TEX36: variants seen among roughly 807,000 people sequenced by gnomAD.
TEX36 encodes the protein testis expressed 36, also known as testis-expressed protein 36.
TEX36 carries 12 observed loss-of-function variants against 13.6 expected under a neutral mutation model. That is an observed-to-expected ratio of 0.88 (90% confidence interval 0.56 to 1.43). TEX36 has a LOEUF of 1.43. TEX36 is among the 40% of genes most tolerant of loss of function. TEX36 has a pLI of 0.00. For synonymous variants in TEX36, 93 were observed against 83.0 expected (o/e 1.12, Z -0.65); for missense variants, 224 against 228.3 (o/e 0.98, Z 0.12).
At chr10:125,634,230 TAG>T (rs1203225871) in intron 3 of TEX36, among the ~76,000 whole-genome samples, 1 of 152,148 alleles carries the variant, frequency 6.6e-6, no homozygotes, top group East Asian at 1.9e-4. Flanking sequence ...ACTTAAAATA[TAG>T]AGAGTGTGAT....
rs114858132 is a variant in TEX36 at position 125,634,562 on chromosome 10, C to A, written c.265-12917G>T. On this transcript the variant is annotated intron_variant, in intron 3 of 3. Coordinates refer to the TEX36 transcript ENST00000526819. Reference sequence around the variant, plus strand: ...TAAATAACAAAAGGGAATCTATCTTCTCAGAAGAAAAACTGAAGCATTCTT... The same window carrying A: ...TAAATAACAAAAGGGAATCTATCTTATCAGAAGAAAAACTGAAGCATTCTT... Among the ~76,000 whole-genome samples, 363 of 152,346 alleles carry A rather than the reference C, an allele frequency of 2.4e-3. 1 individual carries two copies. The highest frequency in any genetic ancestry group is 8.2e-3 in the African/African-American group (341 of 41,580).
At chr10:125,661,168 G>C (rs531952562) in intron 2 of TEX36, 67 bp from the exon 3 acceptor site, 2 of 1,313,984 alleles carry the variant, frequency 1.5e-6, no homozygotes, top group Non-Finnish European at 2.1e-6. Context: ...AACTGGGATC[G>C]GGTGATGTGG....
At chr10:125,643,528 G>T (rs763142805) in intron 3 of TEX36, among the ~76,000 whole-genome samples, 1 of 152,188 alleles carries the variant, frequency 6.6e-6, no homozygotes, top group Non-Finnish European at 1.5e-5. Flanking sequence ...CGGATCACGA[G>T]GTCAGGAGAT....
At chr10:125,579,594 C>T (rs1397204457) in intron 3 of TEX36, among the ~76,000 whole-genome samples, 1 of 152,112 alleles carries the variant, frequency 6.6e-6, no homozygotes, top group Non-Finnish European at 1.5e-5. Context: ...GTGTCCCTGC[C>T]CAAATTTCAT....
At chr10:125,644,091 G>A (rs1846731435) in intron 3 of TEX36, among the ~76,000 whole-genome samples, 1 of 152,158 alleles carries the variant, frequency 6.6e-6, no homozygotes. Flanking sequence ...TCGTTATCAG[G>A]CAGAATCAAA....
At chr10:125,618,942 T>TAAAAAAAAA (rs11452140), downstream of TEX36, among the ~76,000 whole-genome samples, 67 of 43,570 alleles carry the variant, frequency 1.5e-3, no homozygotes, top group African/African-American at 3.2e-3. Flanking sequence ...CCGTCTCTAC[T>TAAAAAAAAA]AAAAAAAAAA....
chr10:125,653,564 C>T (rs1358548946), downstream of TEX36, among the ~76,000 whole-genome samples: 2 of 151,914 alleles, frequency 1.3e-5, no homozygotes, highest in Admixed American at 6.6e-5. Flanking sequence ...TGCAGCAAAC[C>T]AACATGGCAC....
At chr10:125,600,115 G>C (rs1248123248) in intron 3 of TEX36, among the ~76,000 whole-genome samples, 1 of 152,248 alleles carries the variant, frequency 6.6e-6, no homozygotes, top group African/African-American at 2.4e-5. Context: ...GCCCAGAGCA[G>C]AGGAGCTAGT....
chr10:125,603,598 G>T (rs1333393315), intron 3 of TEX36, among the ~76,000 whole-genome samples: 1 of 152,222 alleles, frequency 6.6e-6, no homozygotes, highest in Non-Finnish European at 1.5e-5. Context: ...GGCAAAATCT[G>T]GGGGCAGGCT....
At chr10:125,669,759 C>T (rs994971534) in intron 1 of TEX36, among the ~76,000 whole-genome samples, 3 of 152,288 alleles carry the variant, frequency 2.0e-5, no homozygotes, top group Non-Finnish European at 2.9e-5. Context: ...CCCACACCCC[C>T]CGTAACAGGC....
chr10:125,667,851 C>G, intron 1 of TEX36: 1 of 1,510,080 alleles, frequency 6.6e-7, no homozygotes, highest in Non-Finnish European at 9.2e-7. Context: ...GTGGACTCAT[C>G]TGCAGCCAGG....
rs373544374 is a variant in TEX36 at position 125,663,633 on chromosome 10, A to T, written c.52-1656T>A. Among the ~76,000 whole-genome samples, 17 of 152,254 alleles carry T rather than the reference A, an allele frequency of 1.1e-4. No individual in the cohort carries two copies. The East Asian group carries it at 1.7e-3, about 16-fold the overall frequency. On this transcript the variant is annotated intron_variant, in intron 1 of 3. Transcript: ENST00000368821. ...ATATCTCATCGTGGTTTTTATTTGC[A>T]TTCCCCTGATGATTAGTGATGTTTA...
chr10:125,619,094 C>T (rs1655145221), downstream of TEX36, among the ~76,000 whole-genome samples: 1 of 151,354 alleles, frequency 6.6e-6, no homozygotes, highest in Non-Finnish European at 1.5e-5. Context: ...CGCGTCACTG[C>T]ACTCCAGCCT....
intron 3 of TEX36, among the ~76,000 whole-genome samples, chr10:125,624,199 T>A (rs1846459211): frequency 6.6e-6 from 1 of 152,146 alleles, no homozygotes; most frequent in Non-Finnish European, 1.5e-5. Context: ...GGCTGTTGAA[T>A]CTCTTGATCT....
At chr10:125,633,002 T>C (rs1406896959) in intron 3 of TEX36, among the ~76,000 whole-genome samples, 2 of 152,118 alleles carry the variant, frequency 1.3e-5, no homozygotes, top group African/African-American at 2.4e-5. Flanking sequence ...CATACGCCTG[T>C]AATCCCAGCT....
Position 125,655,767 on chromosome 10 carries a change from G to A in TEX36, c.*133C>T. On this transcript the variant is annotated 3_prime_UTR_variant, in exon 4 of 4. Coordinates refer to ENST00000368821, the MANE Select transcript of TEX36 (RefSeq NM_001128202.3). ...AAATTCATTTCACAAGGATTTGAATGTTTTTTGACCTTATAAAAATCATAA... is the reference window on the plus strand; with the variant it reads ...AAATTCATTTCACAAGGATTTGAATATTTTTTGACCTTATAAAAATCATAA... 1 of 1,339,624 alleles carries A rather than the reference G, an allele frequency of 7.5e-7. No homozygotes were observed. The highest frequency in any genetic ancestry group is 2.7e-5 in the East Asian group (1 of 36,742). 83.0% of individuals were successfully genotyped at this position (1,339,624 alleles called of 1,614,324 possible). A position where few individuals can be genotyped will look rare whatever the true frequency, so the allele number is the denominator to read the frequency against.
At chr10:125,644,111 C>T (rs1846731832) in intron 3 of TEX36, among the ~76,000 whole-genome samples, 1 of 152,096 alleles carries the variant, frequency 6.6e-6, no homozygotes, top group East Asian at 1.9e-4. Context: ...ATATTACACC[C>T]ACAAACAAAA....
At chr10:125,635,878 A>AT (rs1846618019) in intron 3 of TEX36, among the ~76,000 whole-genome samples, 2 of 151,676 alleles carry the variant, frequency 1.3e-5, no homozygotes, top group East Asian at 2.0e-4. Flanking sequence ...AGGACACTTC[A>AT]TTTTTTGTTT....
At chr10:125,672,376 T>C (rs1458800919) in intron 1 of TEX36, among the ~76,000 whole-genome samples, 1 of 152,220 alleles carries the variant, frequency 6.6e-6, no homozygotes. Flanking sequence ...TCTGCCTTAA[T>C]TTCATTATTT....
Sources: gnomAD v4.1 joint callset for allele counts (sites outside exome capture counted in the v4.1 genomes callset) on GRCh38, gnomAD v4.1.1 for gene constraint, MANE v1.5 for transcripts, NCBI Gene and HGNC (gene_info 2026-07-23, HGNC 2026-07-21) for gene names.